Variants in GZF1 observed in about 807,000 individuals in gnomAD.
GZF1 encodes GDNF inducible zinc finger protein 1.
In GZF1, 28 loss-of-function variants were observed where a neutral mutation model predicts 49.4. The observed-to-expected ratio is 0.57, with a 90% CI of 0.42 to 0.78. The LOEUF (loss-of-function observed/expected upper bound fraction) is 0.78, where lower values mean the gene tolerates loss of function less well. Ranked by LOEUF, GZF1 falls within the 30% of genes least tolerant of loss-of-function variation. The probability of loss-of-function intolerance (pLI) is 0.00; values close to 1 mark genes in which losing one functional copy is unlikely to be tolerated. For missense variants in GZF1, 798 were observed against 916.2 expected, an observed-to-expected ratio of 0.87 and a Z score of 1.67; for synonymous variants, 364 against 356.0, an observed-to-expected ratio of 1.02 and a Z score of -0.25.
chr20:23,367,355 C>T (rs1038021919), intron 3 of GZF1, among the ~76,000 whole-genome samples: 4 of 152,090 alleles, frequency 2.6e-5, no homozygotes, highest in African/African-American at 9.7e-5. Context: ...TAAAATAGTT[C>T]TTTTGTAACC....
upstream of GZF1, among the ~76,000 whole-genome samples, chr20:23,362,016 G>A (rs1368098943): frequency 6.6e-6 from 1 of 152,186 alleles, no homozygotes; most frequent in African/African-American, 2.4e-5. Flanking sequence ...AGTCAGTCGC[G>A]CGGCCAGATC....
chr20:23,369,683 T>A lies in GZF1; in HGVS notation c.1727T>A (p.Met576Lys), dbSNP rs1284484897. ...ATCCACACAGGGGAGAGGCCATTCA[T>A]GTGCAATGCGTGCGGACGGACATTC... ...RRIHTGERPF[M>K]CNACGRTFTD... Residue 576 changes from methionine (M) to lysine (K), a missense_variant, in exon 5 of 6, where the codon ATG (methionine) becomes AAG (lysine). Met to Lys is a moderately conservative substitution (Grantham distance 95, BLOSUM62 -1). Around this residue, in one of 3 missense-constraint regions of GZF1, gnomAD observed 446 missense variants for 540.1 expected, o/e 0.83. Transcript: ENST00000338121. 1 of 1,614,162 alleles carries A rather than the reference T, an allele frequency of 6.2e-7. No homozygotes were observed. Among genetic ancestry groups the A allele is most frequent in the Non-Finnish European group, 8.5e-7 (1 of 1,180,000 alleles).
At chr20:23,362,520 G>GA (rs1352015801) in intron 1 of GZF1, 1 of 154,076 alleles carries the variant, frequency 6.5e-6, no homozygotes, top group East Asian at 1.9e-4. Context: ...AGTGGCGCGG[G>GA]AAGGGTGGGA....
rs773551675 is a variant in GZF1, at chr20:23,370,405, G to A, written c.2100G>A (p.Met700Ile). 5 of 1,613,542 alleles carry A rather than the reference G, an allele frequency of 3.1e-6. No individual in the cohort carries two copies. The highest frequency in any genetic ancestry group is 1.1e-5 in the South Asian group (1 of 91,064). ...AGCTGACCCCACAGACAGACTCGATGCCCACACAGCTTCACTCTTTGAGCA... is the reference window on the plus strand; with the variant it reads ...AGCTGACCCCACAGACAGACTCGATACCCACACAGCTTCACTCTTTGAGCA... ...LSELTPQTDS[M>I]PTQLHSLSNM... is the part of the protein sequence containing the mutation. The change falls in exon 6 of 6, where the codon ATG (methionine) becomes ATA (isoleucine). Residue 700 changes from methionine to isoleucine, a missense_variant. Physicochemically the swap from Met to Ile is conservative, Grantham distance 10. Around this residue, in one of 3 missense-constraint regions of GZF1, gnomAD observed 446 missense variants for 540.1 expected, o/e 0.83. Coordinates refer to ENST00000338121, the MANE Select transcript of GZF1 (RefSeq NM_022482.5).
In GZF1 at chr20:23,364,359, A is replaced by G; in HGVS notation, c.-21-4A>G. On this transcript the variant is annotated splice_polypyrimidine_tract_variant and splice_region_variant and intron_variant, in intron 1 of 5. Transcript: ENST00000338121. The stretch of plus-strand genomic sequence containing the variant: ...CATGCATAATTCTTGTTTCTTTTTC[A>G]AAGCTGTTTTTGGAAGGAAGAAAGA... 1.3e-6 allele frequency: 2 copies of G among 1,509,558 alleles called. No homozygotes were observed. The highest frequency in any genetic ancestry group is 1.8e-6 in the Non-Finnish European group (2 of 1,120,976). The allele number at this position is 1,509,558 out of a possible 1,614,324, so 93.5% of individuals were successfully genotyped here. A position where few individuals can be genotyped will look rare whatever the true frequency, so the allele number is the denominator to read the frequency against.
intron 3 of GZF1, 141 bp downstream of exon 3, chr20:23,367,238 A>T (rs555437846): frequency 8.9e-5 from 56 of 630,344 alleles, no homozygotes; most frequent in Non-Finnish European, 1.3e-4. Flanking sequence ...AGTGAGCAAA[A>T]TGAATAAACA....
At position 23,369,580 on chromosome 20, in the gene GZF1, T is replaced by C. The variant is rs1456878385; in HGVS notation, c.1628-4T>C. On this transcript the variant is annotated splice_polypyrimidine_tract_variant and splice_region_variant and intron_variant, in intron 4 of 5. Coordinates refer to ENST00000338121, the MANE Select transcript of GZF1 (RefSeq NM_022482.5). ...ACCAGCAGTCTCCTCTCTCCCTGCC[T>C]CAGGGGAGCGTCCCTACTGCTGTGA... 1.9e-6 allele frequency: 3 copies of C among 1,607,244 alleles called. No individual in the cohort carries two copies. Among genetic ancestry groups the C allele is most frequent in the Non-Finnish European group, 2.6e-6 (3 of 1,176,336 alleles).
In GZF1 at chr20:23,370,133, G is replaced by T. The variant is rs1262961263; in HGVS notation, c.1828G>T (p.Val610Leu). The change falls in exon 6 of 6, where the codon GTA (valine) becomes TTA (leucine). Residue 610 changes from valine (V) to leucine (L), a missense_variant. Physicochemically the swap from Val to Leu is conservative, Grantham distance 32. This residue lies in a region of GZF1 where 446 missense variants were observed against 540.1 expected (regional missense o/e 0.83). Coordinates refer to ENST00000338121, the MANE Select transcript of GZF1 (RefSeq NM_022482.5). Reference sequence around the variant, plus strand: ...TCCATGGAAGTCTTTCCTTGTCATTGTAGATGGCTCGCCCAAGAACGATGA... The same window carrying T: ...TCCATGGAAGTCTTTCCTTGTCATTTTAGATGGCTCGCCCAAGAACGATGA... ...NTPWKSFLVI[V>L]DGSPKNDDGH... The T allele has an allele frequency of 6.2e-7, 1 of 1,614,110 alleles. No individual in the cohort carries two copies. The highest frequency in any genetic ancestry group is 1.3e-5 in the African/African-American group (1 of 74,946).
In GZF1 at chr20:23,370,702, G is replaced by A. The variant is rs1471882422; in HGVS notation, c.*261G>A. 2 of 466,922 alleles carry A rather than the reference G, an allele frequency of 4.3e-6. No homozygotes were observed. Among genetic ancestry groups the A allele is most frequent in the African/African-American group, 2.0e-5 (1 of 50,638 alleles). The allele number at this position is 466,922 out of a possible 1,614,324, so 28.9% of individuals were successfully genotyped here. On this transcript the variant is annotated 3_prime_UTR_variant, in exon 6 of 6. Transcript: ENST00000338121. ...ATAACCTCACTTAATTCTGGTGTAG[G>A]GTGTATGTGCTAATCGTTCTAATTC...
At position 23,365,106 on chromosome 20, in the gene GZF1, G is replaced by C. The variant is rs780831867; in HGVS notation, c.723G>C (p.Thr241=). 5.0e-6 allele frequency: 8 copies of C among 1,613,856 alleles called. No homozygotes were observed. The Admixed American group carries it at 1.3e-4, about 27-fold the overall frequency. The change falls in exon 2 of 6, where the codon ACG becomes ACC. Residue 241 remains threonine (T), a synonymous_variant. Coordinates refer to ENST00000338121, the MANE Select transcript of GZF1 (RefSeq NM_022482.5). The stretch of plus-strand genomic sequence containing the variant: ...TGGAGATCCCTAAAAAGAAATATAC[G>C]AGAAGACTCCGAGAGCAGCAGAAAA... ...VFVEIPKKKY[T]RRLREQQKTA...
intron 3 of GZF1, among the ~76,000 whole-genome samples, chr20:23,368,255 T>C (rs945047918): frequency 1.3e-5 from 2 of 152,198 alleles, no homozygotes; most frequent in East Asian, 3.8e-4. Flanking sequence ...CAGCTAATAA[T>C]TTGGTAAGTC....
In GZF1 at chr20:23,368,854, C is replaced by A; in HGVS notation, c.1552C>A (p.Pro518Thr). The A allele has an allele frequency of 1.2e-6, 2 of 1,614,012 alleles. No individual in the cohort carries two copies. The highest frequency in any genetic ancestry group is 1.7e-6 in the Non-Finnish European group (2 of 1,179,938). ...HHNRIHTGSK[P>T]FKCEVCFRTF... ...CAATAGAATCCATACTGGATCCAAACCCTTTAAATGTGAAGTATGTTTCAG... is the reference window on the plus strand; with the variant it reads ...CAATAGAATCCATACTGGATCCAAAACCTTTAAATGTGAAGTATGTTTCAG... Residue 518 changes from proline (P) to threonine (T), a missense_variant, in exon 4 of 6, where the codon CCC (proline) becomes ACC (threonine). Coordinates refer to ENST00000338121, the MANE Select transcript of GZF1 (RefSeq NM_022482.5).
At position 23,370,827 on chromosome 20, in the gene GZF1, A is replaced by C. The variant is rs901371056; in HGVS notation, c.*386A>C. 27 of 176,158 alleles carry C rather than the reference A, an allele frequency of 1.5e-4. No individual in the cohort carries two copies. Among genetic ancestry groups the C allele is most frequent in the African/African-American group, 6.2e-4 (26 of 41,678 alleles). The allele number at this position is 176,158 out of a possible 1,614,324, so 10.9% of individuals were successfully genotyped here. The stretch of plus-strand genomic sequence containing the variant: ...TAGTTAGCAGTCTTCCTGGCTTCTC[A>C]CTCTGCCTTATATTTCCATGTGGGT... On this transcript the variant is annotated 3_prime_UTR_variant, in exon 6 of 6. Coordinates refer to ENST00000338121, the MANE Select transcript of GZF1 (RefSeq NM_022482.5).
intron 3 of GZF1, among the ~76,000 whole-genome samples, 173 bp downstream of exon 3, chr20:23,367,270 A>G (rs1236072488): frequency 6.6e-6 from 1 of 152,216 alleles, no homozygotes; most frequent in African/African-American, 2.4e-5. Flanking sequence ...CCTTGTTGCT[A>G]GTGTGCACAT....
rs772684521 is a variant in GZF1, at chr20:23,365,296, G to A, written c.913G>A (p.Glu305Lys). The A allele has an allele frequency of 1.7e-5, 27 of 1,607,360 alleles. No homozygotes were observed. The highest frequency in any genetic ancestry group is 4.3e-6 in the Non-Finnish European group (5 of 1,175,932). ...AGPEEEEEEE[E>K]EDEEGEKKKS... Reference sequence around the variant, plus strand: ...GCCGGAGGAGGAAGAGGAGGAGGAGGAGGAGGACGAAGAAGGGGAGAAGAA... The same window carrying A: ...GCCGGAGGAGGAAGAGGAGGAGGAGAAGGAGGACGAAGAAGGGGAGAAGAA... Residue 305 changes from glutamate (E) to lysine (K), a missense_variant, in exon 2 of 6, where the codon GAG becomes AAG. Transcript: ENST00000338121.
chr20:23,364,891 G>A lies in GZF1; in HGVS notation c.508G>A (p.Asp170Asn), dbSNP rs372556804. 6.2e-6 allele frequency: 10 copies of A among 1,614,120 alleles called. No individual in the cohort carries two copies. In the East Asian group the frequency reaches 6.7e-5, roughly 11 times the overall value. ...TGCCCCCAGGGCAAGTGTGGCCACC[G>A]ATGGCCCTCACCCCAGTGGTCTCAC... ...APAPRASVAT[D>N]GPHPSGLTDS... The change falls in exon 2 of 6, where the codon GAT becomes AAT. Residue 170 changes from aspartate to asparagine, a missense_variant. Physicochemically the swap from Asp to Asn is conservative, Grantham distance 23. Coordinates refer to ENST00000338121, the MANE Select transcript of GZF1 (RefSeq NM_022482.5).
chr20:23,364,806 A>G lies in GZF1; in HGVS notation c.423A>G (p.Gln141=), dbSNP rs747979077. 101 of 1,614,134 alleles carry G rather than the reference A, an allele frequency of 6.3e-5. No homozygotes were observed. The highest frequency in any genetic ancestry group is 8.1e-5 in the Non-Finnish European group (96 of 1,180,056). ...QMLESVLLEL[Q]NFSESQEVEV... is the part of the protein sequence containing the mutation. ...TAGAGTCAGTACTTTTGGAGTTGCAAAATTTCTCAGAGTCTCAGGAGGTGG... is the reference window on the plus strand; with the variant it reads ...TAGAGTCAGTACTTTTGGAGTTGCAGAATTTCTCAGAGTCTCAGGAGGTGG... The change falls in exon 2 of 6, where the codon CAA becomes CAG. Residue 141 remains glutamine, a synonymous_variant. Transcript: ENST00000338121.
chr20:23,368,895 GA>G lies in GZF1; in HGVS notation c.1595del (p.Asn532IlefsTer79). ...TATGTTTCAGGACTTTTGCCCAGCG[GA>G]ATTCACTGTACCAGCATATTAAAGT... ...EVCFRTFAQRNSLYQHIKVHT... is the reference protein window; with the variant it reads ...EVCFRTFAQRXSLYQHIKVHT... On this transcript the variant is annotated frameshift_variant, in exon 4 of 6. Transcript: ENST00000338121. LOFTEE classifies it high-confidence loss of function. 6.2e-7 allele frequency: 1 copy of G among 1,613,716 alleles called. No individual in the cohort carries two copies. The highest frequency in any genetic ancestry group is 8.5e-7 in the Non-Finnish European group (1 of 1,179,832).
intron 3 of GZF1, 144 bp downstream of exon 3, chr20:23,367,241 A>G: frequency 3.2e-6 from 2 of 630,286 alleles, no homozygotes; most frequent in Non-Finnish European, 5.7e-6. Context: ...GAGCAAAATG[A>G]ATAAACATAC....
Sources: allele counts gnomAD v4.1 joint callset (sites outside exome capture counted in the v4.1 genomes callset), GRCh38; gene constraint gnomAD v4.1.1; regional missense constraint gnomAD v4.1.1; transcripts MANE v1.5; gene names NCBI Gene and HGNC (gene_info 2026-07-23, HGNC 2026-07-21).